Variants in SUSD3 observed in about 807,000 individuals in gnomAD.
SUSD3 encodes the protein sushi domain containing 3.
In SUSD3, 18 loss-of-function variants were observed where a neutral mutation model predicts 20.6. The ratio of observed to expected loss-of-function variants is 0.87; its 90% CI spans 0.60 to 1.30. SUSD3 has a LOEUF of 1.30. Ranked by LOEUF, SUSD3 falls within the 50% of genes most tolerant of loss-of-function variation. SUSD3 has a pLI of 0.00. For missense variants in SUSD3, 306 were observed against 346.9 expected (o/e 0.88, Z 0.94); for synonymous variants, 137 against 141.5 (o/e 0.97, Z 0.23).
intron 4 of SUSD3, among the ~76,000 whole-genome samples, chr9:93,082,969 C>CTT (rs1826480974): frequency 6.6e-6 from 1 of 152,216 alleles, no homozygotes; most frequent in Admixed American, 6.5e-5. Flanking sequence ...GACCCTGCCT[C>CTT]TTACACTGCG....
chr9:93,071,010 T>C (rs552396066), intron 1 of SUSD3, among the ~76,000 whole-genome samples: 28 of 152,306 alleles, frequency 1.8e-4, no homozygotes, highest in African/African-American at 6.0e-4. Flanking sequence ...TGTATCAGAT[T>C]TGAGCCAGTC....
chr9:93,074,296 C>T (rs1466581913), intron 1 of SUSD3, among the ~76,000 whole-genome samples: 1 of 151,694 alleles, frequency 6.6e-6, no homozygotes, highest in Admixed American at 6.6e-5. Flanking sequence ...CAGGTGTGGT[C>T]GCACATGCCT....
intron 1 of SUSD3, among the ~76,000 whole-genome samples, chr9:93,062,496 C>T (rs911423860): frequency 6.6e-6 from 1 of 152,164 alleles, no homozygotes; most frequent in South Asian, 2.1e-4. Context: ...AGGACGGATC[C>T]AGAGAGGCAA....
intron 1 of SUSD3, among the ~76,000 whole-genome samples, chr9:93,059,422 C>CT (rs1248064721): frequency 6.6e-6 from 1 of 152,164 alleles, no homozygotes; most frequent in Non-Finnish European, 1.5e-5. Context: ...AGAGAAGCTG[C>CT]TTTTTATTTT....
At chr9:93,071,180 G>T (rs554513709) in intron 1 of SUSD3, among the ~76,000 whole-genome samples, 36 of 152,304 alleles carry the variant, frequency 2.4e-4, no homozygotes, top group African/African-American at 8.7e-4. Flanking sequence ...TAATAGCATA[G>T]ATGTATATAT....
chr9:93,082,538 C>T (rs954290154), intron 4 of SUSD3, among the ~76,000 whole-genome samples: 5 of 152,062 alleles, frequency 3.3e-5, no homozygotes, highest in Non-Finnish European at 5.9e-5. Context: ...AGGATGGTCT[C>T]GATCTCCTCA....
intron 1 of SUSD3, among the ~76,000 whole-genome samples, chr9:93,063,582 G>T (rs539007932): frequency 2.0e-5 from 3 of 152,170 alleles, no homozygotes. Flanking sequence ...AGCAAGAGAG[G>T]CCACAGGAAC....
intron 1 of SUSD3, among the ~76,000 whole-genome samples, chr9:93,073,232 GCTGT>G (rs1825981168): frequency 6.6e-6 from 1 of 150,828 alleles, no homozygotes; most frequent in African/African-American, 2.4e-5. Context: ...AGCACGGCCT[GCTGT>G]CCCTGTTCTT....
rs1442010996 is a variant in SUSD3 at position 93,075,978 on chromosome 9, G to T, written c.277+6G>T. ...AGGGTCCCCAGTGTGCAAACGTAAG[G>T]ACCCCTCTCTCAGCTCGGTGGCTCT... On this transcript the variant is annotated splice_donor_region_variant and intron_variant, in intron 2 of 4. Transcript: ENST00000375472. 1.9e-6 allele frequency: 3 copies of T among 1,583,058 alleles called. No homozygotes were observed. In the South Asian group the frequency reaches 3.4e-5, roughly 18 times the overall value.
intron 1 of SUSD3, among the ~76,000 whole-genome samples, chr9:93,070,947 C>T (rs1163503235): frequency 2.0e-5 from 3 of 152,186 alleles, no homozygotes; most frequent in African/African-American, 4.8e-5. Context: ...GTGGACCAGC[C>T]AGAATCCCAA....
chr9:93,064,793 G>A (rs1430876459), intron 1 of SUSD3, among the ~76,000 whole-genome samples: 5 of 152,234 alleles, frequency 3.3e-5, no homozygotes, highest in Non-Finnish European at 7.3e-5. Flanking sequence ...CACCCTGCCT[G>A]TTGTGGTATT....
chr9:93,063,614 C>T (rs1255172736), intron 1 of SUSD3, among the ~76,000 whole-genome samples: 1 of 152,180 alleles, frequency 6.6e-6, no homozygotes, highest in Non-Finnish European at 1.5e-5. Flanking sequence ...TCCCTGTGCC[C>T]CCTTGGCTGA....
intron 1 of SUSD3, among the ~76,000 whole-genome samples, chr9:93,059,915 T>G (rs1476762878): frequency 6.6e-6 from 1 of 152,206 alleles, no homozygotes; most frequent in East Asian, 1.9e-4. Flanking sequence ...CAGCCTAATG[T>G]CCAGAGTCCC....
intron 1 of SUSD3, among the ~76,000 whole-genome samples, chr9:93,059,504 G>T (rs1190111856): frequency 6.6e-6 from 1 of 152,230 alleles, no homozygotes; most frequent in African/African-American, 2.4e-5. Flanking sequence ...TCCGGGGTTC[G>T]AATGCTGGCC....
chr9:93,068,891 A>G (rs1250699758), intron 1 of SUSD3, among the ~76,000 whole-genome samples: 1 of 152,202 alleles, frequency 6.6e-6, no homozygotes, highest in Non-Finnish European at 1.5e-5. Context: ...TTCCCTAAAC[A>G]CATGTACCTA....
intron 4 of SUSD3, among the ~76,000 whole-genome samples, chr9:93,083,341 TC>T (rs1826499706): frequency 6.6e-6 from 1 of 151,904 alleles, no homozygotes; most frequent in African/African-American, 2.4e-5. Context: ...GTTCCCTGAG[TC>T]CCCAGCCCTG....
intron 1 of SUSD3, among the ~76,000 whole-genome samples, chr9:93,069,777 CTTTT>C (rs565674661): frequency 6.8e-6 from 1 of 147,378 alleles, no homozygotes; most frequent in African/African-American, 2.5e-5. Context: ...TTACTTCTTC[CTTTT>C]TTTTTTCTTT....
intron 1 of SUSD3, among the ~76,000 whole-genome samples, chr9:93,070,779 A>G (rs1365696271): frequency 6.6e-6 from 1 of 152,234 alleles, no homozygotes; most frequent in African/African-American, 2.4e-5. Flanking sequence ...GAGGTGGACT[A>G]GGAGCCCCAC....
At chr9:93,075,750 C>CCCCCCCCCCCCCCCCA in intron 1 of SUSD3, 34 bp from the exon 2 acceptor site, 2 of 230,194 alleles carry the variant, frequency 8.7e-6, no homozygotes, top group Non-Finnish European at 1.7e-5. Flanking sequence ...ACCCCCCCCC[C>CCCCCCCCCCCCCCCCA]CCCGCCATGC....
Sources: gnomAD v4.1 joint callset for allele counts (sites outside exome capture counted in the v4.1 genomes callset) on GRCh38, gnomAD v4.1.1 for gene constraint, MANE v1.5 for transcripts, NCBI Gene and HGNC (gene_info 2026-07-23, HGNC 2026-07-21) for gene names.